Variants in PCGF5 observed in about 807,000 individuals in gnomAD.
The protein encoded by PCGF5 is polycomb group RING finger protein 5.
In PCGF5, 9 loss-of-function variants were observed where a neutral mutation model predicts 44.3. The ratio of observed to expected loss-of-function variants is 0.20; its 90% confidence interval spans 0.12 to 0.35. The LOEUF is 0.35. PCGF5 is among the 10% of genes least tolerant of loss of function. PCGF5 has a pLI of 1.00. For synonymous variants in PCGF5, 95 were observed against 102.5 expected, an observed-to-expected ratio of 0.93 and a Z score of 0.44; for missense variants, 146 against 305.3, an observed-to-expected ratio of 0.48 and a Z score of 3.89.
At chr10:91,182,048 A>AT (rs1843827876) in intron 1 of PCGF5, among the ~76,000 whole-genome samples, 1 of 152,046 alleles carries the variant, frequency 6.6e-6, no homozygotes. Context: ...AAATTTATCA[A>AT]TTTTTTCTAG....
chr10:91,182,143 C>T (rs570886011), intron 1 of PCGF5, among the ~76,000 whole-genome samples: 7 of 151,410 alleles, frequency 4.6e-5, no homozygotes, highest in African/African-American at 1.7e-4. Flanking sequence ...TAATGTCCCC[C>T]TTATCATTTC....
Position 91,283,749 on chromosome 10 carries a change from C to T in PCGF5, c.*5433C>T, listed in dbSNP as rs553982362. On this transcript the variant is annotated 3_prime_UTR_variant, in exon 10 of 10. Coordinates refer to ENST00000336126, the MANE Select transcript of PCGF5 (RefSeq NM_032373.5). Reference sequence around the variant, plus strand: ...GCTTTCCTGCATCTGAGCAACACAACAGAGATCATCAGTTTTAAATAGAGT... The same window carrying T: ...GCTTTCCTGCATCTGAGCAACACAATAGAGATCATCAGTTTTAAATAGAGT... The T allele has an allele frequency of 1.3e-5, 2 of 152,352 alleles. No homozygotes were observed. The highest frequency in any genetic ancestry group is 3.9e-4 in the East Asian group (2 of 5,192). 9.4% of individuals were successfully genotyped at this position (152,352 alleles called of 1,614,324 possible).
At chr10:91,215,837 A>C (rs369459925), upstream of PCGF5, among the ~76,000 whole-genome samples, 18 of 152,314 alleles carry the variant, frequency 1.2e-4, no homozygotes, top group East Asian at 2.7e-3. Context: ...TTTATTAATA[A>C]ATTTTGATAT....
chr10:91,156,501 C>T, the PCGF5 span, among the ~76,000 whole-genome samples: 2 of 152,134 alleles, frequency 1.3e-5, no homozygotes, highest in Non-Finnish European at 2.9e-5. Flanking sequence ...ACAAGCAGAG[C>T]TACACACAGA....
At chr10:91,157,688 T>C in the PCGF5 span, among the ~76,000 whole-genome samples, 1 of 152,200 alleles carries the variant, frequency 6.6e-6, no homozygotes, top group East Asian at 1.9e-4. Context: ...ATGGTGGTGA[T>C]TGGCATAAAC....
intron 6 of PCGF5, among the ~76,000 whole-genome samples, chr10:91,256,994 C>CA (rs1474685042): frequency 1.3e-5 from 2 of 152,016 alleles, no homozygotes; most frequent in Non-Finnish European, 1.5e-5. Flanking sequence ...ATGTAAAACT[C>CA]TTGTGTATCA....
intron 3 of PCGF5, among the ~76,000 whole-genome samples, chr10:91,245,069 G>A (rs1480413399): frequency 6.6e-6 from 1 of 152,126 alleles, no homozygotes; most frequent in Non-Finnish European, 1.5e-5. Context: ...AGAGAGGCAC[G>A]AGTAAAGGAC....
chr10:91,216,472 C>T (rs192085192), upstream of PCGF5, among the ~76,000 whole-genome samples: 1 of 152,002 alleles, frequency 6.6e-6, no homozygotes. Context: ...TTGAAATGGC[C>T]TTATTAAGTG....
chr10:91,255,149 C>T (rs1488326667), intron 6 of PCGF5, among the ~76,000 whole-genome samples: 1 of 151,996 alleles, frequency 6.6e-6, no homozygotes, highest in Non-Finnish European at 1.5e-5. Flanking sequence ...GGAGCTTGCC[C>T]CCATGGAAAA....
intron 1 of PCGF5, among the ~76,000 whole-genome samples, chr10:91,198,109 AAAGTAAACCCAGAGAAGGGG>A (rs1479202782): frequency 6.6e-6 from 1 of 152,248 alleles, no homozygotes; most frequent in Non-Finnish European, 1.5e-5. Context: ...ACTGTGGAGA[AAAGTAAACCCAGAGAAGGGG>A]AAGAGAAGTG....
At position 91,274,599 on chromosome 10, in the gene PCGF5, C is replaced by A. The variant is rs544349877; in HGVS notation, c.723+2902C>A. 3.9e-5 allele frequency among the ~76,000 whole-genome samples: 6 copies of A among 152,004 alleles called. No homozygotes were observed. In the East Asian group the frequency reaches 9.6e-4, roughly 24 times the overall value. Reference sequence around the variant, plus strand: ...ATGGAACTTACACTAATGATGGTAACAGACAAAAAATAAACAGGTTAAAAT... The same window carrying A: ...ATGGAACTTACACTAATGATGGTAAAAGACAAAAAATAAACAGGTTAAAAT... On this transcript the variant is annotated intron_variant, in intron 9 of 9. Transcript: ENST00000336126.
chr10:91,212,826 A>G (rs1197488324), intron 1 of PCGF5, among the ~76,000 whole-genome samples: 1 of 152,252 alleles, frequency 6.6e-6, no homozygotes, highest in East Asian at 1.9e-4. Flanking sequence ...TAATTCATCT[A>G]TTGGGACGTT....
At chr10:91,250,664 A>G (rs1845602039) in intron 5 of PCGF5, among the ~76,000 whole-genome samples, 1 of 151,720 alleles carries the variant, frequency 6.6e-6, no homozygotes, top group Non-Finnish European at 1.5e-5. Flanking sequence ...TAGCTGCATT[A>G]TTTATAGGCT....
chr10:91,163,988 T>C (rs1344349050), intron 1 of PCGF5, among the ~76,000 whole-genome samples: 1 of 152,244 alleles, frequency 6.6e-6, no homozygotes, highest in Non-Finnish European at 1.5e-5. Flanking sequence ...TTGAAACATT[T>C]GTTTAATATT....
intron 8 of PCGF5, among the ~76,000 whole-genome samples, chr10:91,266,693 C>G (rs1035881392): frequency 1.3e-5 from 2 of 152,132 alleles, no homozygotes; most frequent in Non-Finnish European, 2.9e-5. Flanking sequence ...TCATCACAAC[C>G]TCAATAGTTC....
chr10:91,212,664 C>T (rs566701558), intron 1 of PCGF5, among the ~76,000 whole-genome samples: 22 of 152,254 alleles, frequency 1.4e-4, no homozygotes, highest in South Asian at 4.1e-4. Context: ...ACTTCTATAA[C>T]GCATGCCCAC....
In PCGF5 at chr10:91,269,283, T is replaced by C. The variant is rs116706730; in HGVS notation, c.664-2355T>C. Among the ~76,000 whole-genome samples the C allele has an allele frequency of 6.2e-3, 941 of 152,348 alleles. 11 individuals are homozygous for C. Among genetic ancestry groups the C allele is most frequent in the African/African-American group, 0.021 (862 of 41,586 alleles). On this transcript the variant is annotated intron_variant, in intron 8 of 9. Coordinates refer to ENST00000336126, the MANE Select transcript of PCGF5 (RefSeq NM_032373.5). Reference sequence around the variant, plus strand: ...CAGATCTCAGTTTGGAAGGGACTTATGTCATATCATCTGATCTGTCATCCA... The same window carrying C: ...CAGATCTCAGTTTGGAAGGGACTTACGTCATATCATCTGATCTGTCATCCA...
chr10:91,238,601 CTTTTTTTTTTTTTT>C, intron 2 of PCGF5, among the ~76,000 whole-genome samples: 1 of 58,484 alleles, frequency 1.7e-5, no homozygotes, highest in East Asian at 5.1e-4. Flanking sequence ...TTCTTTCTTT[CTTTTTTTTTTTTTT>C]TTTTTTTTTT....
At position 91,282,671 on chromosome 10, in the gene PCGF5, CATCTT is replaced by C. The variant is rs1846482206; in HGVS notation, c.*4358_*4362del. The C allele has an allele frequency of 6.6e-6, 1 of 152,554 alleles. No individual in the cohort carries two copies. Among genetic ancestry groups the C allele is most frequent in the Admixed American group, 6.5e-5 (1 of 15,270 alleles). 9.5% of individuals were successfully genotyped at this position (152,554 alleles called of 1,614,324 possible). A position where few individuals can be genotyped will look rare whatever the true frequency, so the allele number is the denominator to read the frequency against. On this transcript the variant is annotated 3_prime_UTR_variant, in exon 10 of 10. Transcript: ENST00000336126. ...TATGGGCTACCTTAAAGGTAAAACT[CATCTT>C]ATGGAGTCTTTCTGATAGGTCACTA...
Sources: gnomAD v4.1 joint callset for allele counts (sites outside exome capture counted in the v4.1 genomes callset) on GRCh38, gnomAD v4.1.1 for gene constraint, MANE v1.5 for transcripts, NCBI Gene and HGNC (gene_info 2026-07-23, HGNC 2026-07-21) for gene names.